ADGRL3: variants seen among roughly 807,000 people sequenced by gnomAD.
ADGRL3 encodes the protein calcium-independent alpha-latrotoxin receptor 3.
In ADGRL3, 62 loss-of-function variants were observed where a neutral mutation model predicts 153.5. The observed-to-expected ratio is 0.40, with a 90% confidence interval of 0.33 to 0.50. The LOEUF is 0.50. Among genes scored for constraint, ADGRL3 ranks in the 20% least tolerant of loss-of-function variants. ADGRL3 has a pLI of 0.47. For missense variants in ADGRL3, 1,641 were observed against 1,859.4 expected, an observed-to-expected ratio of 0.88 and a Z score of 2.16; for synonymous variants, 710 against 672.5, an observed-to-expected ratio of 1.06 and a Z score of -0.86.
At chr4:61,996,068 C>A (rs1386712156) in intron 19 of ADGRL3, among the ~76,000 whole-genome samples, 11 of 152,106 alleles carry the variant, frequency 7.2e-5, no homozygotes, top group Non-Finnish European at 4.4e-5. Flanking sequence ...AGGCCCAGTG[C>A]CATATTTTCC....
intron 6 of ADGRL3, among the ~76,000 whole-genome samples, chr4:61,713,707 G>C (rs1417039435): frequency 6.6e-6 from 1 of 151,948 alleles, no homozygotes; most frequent in East Asian, 1.9e-4. Flanking sequence ...AGAAATAAGA[G>C]CCCAAAAAAT....
At chr4:61,803,176 C>CTGAAAT (rs2097519972) in intron 8 of ADGRL3, among the ~76,000 whole-genome samples, 1 of 151,770 alleles carries the variant, frequency 6.6e-6, no homozygotes, top group Non-Finnish European at 1.5e-5. Context: ...AGTAAATTAT[C>CTGAAAT]TGAAATTGAT....
chr4:61,521,084 A>G (rs2098528234), intron 4 of ADGRL3, among the ~76,000 whole-genome samples: 1 of 152,154 alleles, frequency 6.6e-6, no homozygotes, highest in Non-Finnish European at 1.5e-5. Flanking sequence ...CACAGTAGCA[A>G]CTGTGTAACA....
At chr4:61,507,440 T>A (rs970440226) in intron 3 of ADGRL3, among the ~76,000 whole-genome samples, 1 of 152,160 alleles carries the variant, frequency 6.6e-6, no homozygotes, top group African/African-American at 2.4e-5. Context: ...AGGTGTCCAA[T>A]AATAATCACA....
chr4:61,947,154 A>C (rs763160668), intron 16 of ADGRL3, 32 bp downstream of exon 16: 1 of 1,518,742 alleles, frequency 6.6e-7, no homozygotes, highest in Non-Finnish European at 9.1e-7. Context: ...TTGGTTGTTC[A>C]TATTATCTGT....
chr4:61,694,899 G>A (rs376738953), intron 6 of ADGRL3, among the ~76,000 whole-genome samples: 5 of 152,166 alleles, frequency 3.3e-5, no homozygotes, highest in Non-Finnish European at 7.3e-5. Flanking sequence ...CAGGATTAGA[G>A]TCCATCTCAA....
chr4:61,757,607 T>C (rs2152122392), intron 8 of ADGRL3, among the ~76,000 whole-genome samples: 1 of 152,284 alleles, frequency 6.6e-6, no homozygotes, highest in East Asian at 1.9e-4. Flanking sequence ...GGTTTTTTTG[T>C]GTCTCTATTT....
intron 3 of ADGRL3, among the ~76,000 whole-genome samples, chr4:61,510,903 T>A (rs1346906382): frequency 6.6e-6 from 1 of 152,220 alleles, no homozygotes; most frequent in East Asian, 1.9e-4. Context: ...GTGTATGGAA[T>A]GTTTTTCCAT....
intron 1 of ADGRL3, among the ~76,000 whole-genome samples, chr4:61,237,120 C>T (rs1753148000): frequency 6.6e-6 from 1 of 151,990 alleles, no homozygotes; most frequent in Non-Finnish European, 1.5e-5. Context: ...TTTATTTTCC[C>T]TATAGTGTTT....
intron 8 of ADGRL3, among the ~76,000 whole-genome samples, chr4:61,776,450 T>C (rs1304586097): frequency 6.6e-6 from 1 of 152,172 alleles, no homozygotes; most frequent in Non-Finnish European, 1.5e-5. Context: ...AAATTGAATA[T>C]CTGAAATAAT....
intron 6 of ADGRL3, among the ~76,000 whole-genome samples, chr4:61,701,540 T>C (rs2095759899): frequency 6.7e-6 from 1 of 150,176 alleles, no homozygotes; most frequent in Non-Finnish European, 1.5e-5. Context: ...TTTCAAGTGA[T>C]TATCCTGCCT....
chr4:61,756,827 GA>G (rs2096838185), intron 8 of ADGRL3, among the ~76,000 whole-genome samples: 1 of 152,158 alleles, frequency 6.6e-6, no homozygotes, highest in Admixed American at 6.5e-5. Context: ...TTTTTAGCAT[GA>G]AGGGTTGTTG....
chr4:61,700,285 C>A (rs1401242782), intron 6 of ADGRL3, among the ~76,000 whole-genome samples: 1 of 124,802 alleles, frequency 8.0e-6, no homozygotes, highest in African/African-American at 3.1e-5. Context: ...TGGCTTGTTG[C>A]CCTAAGTTTC....
chr4:61,476,985 T>C (rs2098070465), intron 2 of ADGRL3, among the ~76,000 whole-genome samples: 2 of 151,900 alleles, frequency 1.3e-5, no homozygotes, highest in African/African-American at 4.8e-5. Flanking sequence ...TTTTGTTCAG[T>C]TCATGTGAAA....
At chr4:61,605,122 A>G (rs1235027941) in intron 5 of ADGRL3, among the ~76,000 whole-genome samples, 1 of 143,498 alleles carries the variant, frequency 7.0e-6, no homozygotes, top group African/African-American at 2.7e-5. Flanking sequence ...AAAGAGAAGG[A>G]AAAAAAAAAC....
intron 6 of ADGRL3, chr4:61,677,346 T>G (rs1486001790): frequency 2.6e-6 from 1 of 384,356 alleles, no homozygotes; most frequent in East Asian, 7.4e-5. Context: ...AAGCTTCATC[T>G]GCTGTCAACA....
At chr4:61,610,546 C>T (rs936587609) in intron 5 of ADGRL3, among the ~76,000 whole-genome samples, 4 of 151,974 alleles carry the variant, frequency 2.6e-5, no homozygotes, top group Non-Finnish European at 4.4e-5. Flanking sequence ...TTAAGAGTAA[C>T]CGTAGTCTAA....
chr4:61,583,476 G>A (rs1175684002), intron 4 of ADGRL3, among the ~76,000 whole-genome samples: 1 of 152,100 alleles, frequency 6.6e-6, no homozygotes, highest in East Asian at 1.9e-4. Flanking sequence ...TAAAGAATAG[G>A]ATTAATTTCT....
At chr4:61,505,480 G>T (rs899517797) in intron 3 of ADGRL3, among the ~76,000 whole-genome samples, 1 of 152,038 alleles carries the variant, frequency 6.6e-6, no homozygotes, top group Admixed American at 6.6e-5. Flanking sequence ...ATACAAAACA[G>T]CAAGGCAATT....
Sources: allele counts gnomAD v4.1 joint callset (sites outside exome capture counted in the v4.1 genomes callset), GRCh38; gene constraint gnomAD v4.1.1; transcripts MANE v1.5; gene names NCBI Gene and HGNC (gene_info 2026-07-23, HGNC 2026-07-21).